The following IQANK1 variants were observed in gnomAD, a reference collection of about 807,000 sequenced individuals.
IQANK1 encodes the protein IQ motif and ankyrin repeat containing 1, also known as IQ motif and ankyrin repeat domain-containing protein 1.
IQANK1 carries 30 observed loss-of-function variants against 22.6 expected under a neutral mutation model. The ratio of observed to expected loss-of-function variants is 1.33; its 90% CI spans 0.99 to 1.80. The LOEUF (loss-of-function observed/expected upper bound fraction) is 1.80, where lower values mean the gene tolerates loss of function less well. IQANK1 is among the 40% of genes most tolerant of loss of function. The pLI is 0.00. For synonymous variants in IQANK1, 122 were observed against 99.6 expected, an observed-to-expected ratio of 1.23 and a Z score of -1.34; for missense variants, 275 against 235.2, an observed-to-expected ratio of 1.17 and a Z score of -1.11.
At chr8:143,747,953 C>CTTTCCTTTCCTT (rs1819063976) in intron 3 of IQANK1, among the ~76,000 whole-genome samples, 2 of 132,008 alleles carry the variant, frequency 1.5e-5, no homozygotes, top group Non-Finnish European at 3.1e-5. Flanking sequence ...CTTTCCTTTC[C>CTTTCCTTTCCTT]TTTCCTTTCC....
At chr8:143,738,977 T>A (rs1360129475) in intron 2 of IQANK1, among the ~76,000 whole-genome samples, 1 of 152,170 alleles carries the variant, frequency 6.6e-6, no homozygotes, top group South Asian at 2.1e-4. Context: ...TTCGGGCCAC[T>A]GCACTGCGGC....
intron 3 of IQANK1, chr8:143,743,059 G>A (rs782277330): frequency 2.6e-5 from 12 of 455,966 alleles, no homozygotes; most frequent in East Asian, 1.4e-4. Flanking sequence ...CCTGTGTCCC[G>A]TTGCTGCTAT....
chr8:143,778,557 T>C (rs201652197), intron 7 of IQANK1, among the ~76,000 whole-genome samples: 1 of 152,180 alleles, frequency 6.6e-6, no homozygotes, highest in African/African-American at 2.4e-5. Context: ...ACAATGGTAA[T>C]AGGCGATTTT....
chr8:143,764,891 A>T (rs1346104941), intron 3 of IQANK1, among the ~76,000 whole-genome samples: 1 of 152,328 alleles, frequency 6.6e-6, no homozygotes, highest in African/African-American at 2.4e-5. Context: ...TGTAATATAT[A>T]TGTGCCTTAG....
chr8:143,742,115 C>G lies in IQANK1; in HGVS notation c.175+2167C>G, dbSNP rs543049419. ...ACAGGATGCAGAACCTCCCTTTGAG[C>G]TCGGTGTTCCCTGCTCCTCACAGAG... On this transcript the variant is annotated intron_variant, in intron 3 of 13. Coordinates refer to ENST00000527139, the MANE Select transcript of IQANK1 (RefSeq NM_001381874.1). The G allele has an allele frequency of 9.5e-4, 328 of 343,834 alleles. 2 individuals are homozygous for G. The Middle Eastern group carries it at 9.6e-3, about 10-fold the overall frequency. The allele number at this position is 343,834 out of a possible 1,614,324, so 21.3% of individuals were successfully genotyped here. A position where few individuals can be genotyped will look rare whatever the true frequency, so the allele number is the denominator to read the frequency against.
intron 3 of IQANK1, among the ~76,000 whole-genome samples, chr8:143,743,373 T>G (rs1318261631): frequency 6.6e-6 from 1 of 152,190 alleles, no homozygotes; most frequent in African/African-American, 2.4e-5. Flanking sequence ...TAGCTGGGAC[T>G]ACAGGTGTGT....
At chr8:143,752,996 GTTTTT>G (rs34993930) in intron 3 of IQANK1, among the ~76,000 whole-genome samples, 213 of 69,950 alleles carry the variant, frequency 3.0e-3, no homozygotes, top group African/African-American at 0.013. Flanking sequence ...CTCTCTGTTC[GTTTTT>G]TTTTTTTTTT....
At chr8:143,772,612 A>T in intron 7 of IQANK1, 130 bp downstream of exon 7, 1 of 396,846 alleles carries the variant, frequency 2.5e-6, no homozygotes, top group African/African-American at 2.1e-5. Context: ...CAGGCAGGGA[A>T]GGCTCACCCG....
At chr8:143,757,026 G>A (rs1413268258) in intron 3 of IQANK1, among the ~76,000 whole-genome samples, 1 of 151,764 alleles carries the variant, frequency 6.6e-6, no homozygotes, top group Non-Finnish European at 1.5e-5. Context: ...GCTCTAAAAC[G>A]CTAGGGTTCT....
chr8:143,740,288 G>A (rs929723762), intron 3 of IQANK1, among the ~76,000 whole-genome samples: 8 of 152,004 alleles, frequency 5.3e-5, no homozygotes, highest in African/African-American at 1.7e-4. Flanking sequence ...CCGCCGCGTC[G>A]TGCCCGCCCC....
At position 143,771,422 on chromosome 8, in the gene IQANK1, T is replaced by A; in HGVS notation, c.176-66T>A. 2.6e-6 allele frequency: 1 copy of A among 388,132 alleles called. No homozygotes were observed. The allele number at this position is 388,132 out of a possible 1,614,324, so 24.0% of individuals were successfully genotyped here. A position where few individuals can be genotyped will look rare whatever the true frequency, so the allele number is the denominator to read the frequency against. On this transcript the variant is annotated intron_variant, in intron 3 of 13. Transcript: ENST00000527139. This position sits in a 1 kb window ranked among gnomAD's most constrained non-coding sequence, Gnocchi z 6.0. ...GGGGCGGGGGCGGGGCCGGCTCCAC[T>A]CCCAGGGGCGCAGCAGGCGTGGCTG...
intron 2 of IQANK1, among the ~76,000 whole-genome samples, chr8:143,738,406 C>A (rs1818801418): frequency 6.6e-6 from 1 of 152,212 alleles, no homozygotes; most frequent in Non-Finnish European, 1.5e-5. Flanking sequence ...CTGGAGCCCG[C>A]AGCACCGCAG....
chr8:143,782,252 T>C (rs1160814409), intron 7 of IQANK1, among the ~76,000 whole-genome samples: 1 of 152,204 alleles, frequency 6.6e-6, no homozygotes, highest in African/African-American at 2.4e-5. Context: ...AATCATGTTG[T>C]CTGCAAACAG....
chr8:143,787,330 G>T (rs1819909463), intron 7 of IQANK1, among the ~76,000 whole-genome samples: 1 of 152,158 alleles, frequency 6.6e-6, no homozygotes, highest in Admixed American at 6.5e-5. Flanking sequence ...GCCGTGGTTA[G>T]CCTGTGGATC....
intron 3 of IQANK1, among the ~76,000 whole-genome samples, chr8:143,748,170 T>C (rs1819072202): frequency 6.6e-6 from 1 of 151,612 alleles, no homozygotes; most frequent in South Asian, 2.1e-4. Context: ...AATTTTTGTA[T>C]TTTTTATACA....
chr8:143,747,638 GT>G (rs34261314), intron 3 of IQANK1, among the ~76,000 whole-genome samples: 4 of 150,550 alleles, frequency 2.7e-5, no homozygotes, highest in African/African-American at 4.9e-5. Context: ...GTTGAAGGGT[GT>G]TTTTTTTTAA....
intron 3 of IQANK1, among the ~76,000 whole-genome samples, chr8:143,757,777 TAGCTAGG>T (rs1819320943): frequency 1.3e-5 from 2 of 152,046 alleles, no homozygotes; most frequent in Admixed American, 1.3e-4. Flanking sequence ...GCCTTTTGAG[TAGCTAGG>T]ATTTTACAGG....
chr8:143,755,280 A>G (rs1457375820), intron 3 of IQANK1, among the ~76,000 whole-genome samples: 1 of 152,232 alleles, frequency 6.6e-6, no homozygotes, highest in Admixed American at 6.5e-5. Flanking sequence ...AGTGCATTCC[A>G]TGGGAAAGAA....
At chr8:143,765,461 A>G (rs367808843) in intron 3 of IQANK1, among the ~76,000 whole-genome samples, 12 of 152,192 alleles carry the variant, frequency 7.9e-5, no homozygotes, top group African/African-American at 2.9e-4. Flanking sequence ...ATATAAAATG[A>G]GCCTCCATGG....
Sources: allele counts gnomAD v4.1 joint callset (sites outside exome capture counted in the v4.1 genomes callset), GRCh38; gene constraint gnomAD v4.1.1; non-coding constraint Gnocchi (gnomAD v3.1); transcripts MANE v1.5; gene names NCBI Gene and HGNC (gene_info 2026-07-23, HGNC 2026-07-21).